The following INPP4B variants were observed in gnomAD, a reference collection of about 807,000 sequenced individuals.
The protein encoded by INPP4B is inositol polyphosphate 4-phosphatase type II.
In INPP4B, 55 loss-of-function variants were observed where a neutral mutation model predicts 122.5. The observed-to-expected ratio is 0.45, with a 90% CI of 0.36 to 0.56. The LOEUF (loss-of-function observed/expected upper bound fraction) is 0.56. Among genes scored for constraint, INPP4B ranks in the 20% least tolerant of loss-of-function variants. The pLI is 0.00. For missense variants in INPP4B, 1,000 were observed against 1,097.7 expected, an observed-to-expected ratio of 0.91 and a Z score of 1.26; for synonymous variants, 403 against 388.7, an observed-to-expected ratio of 1.04 and a Z score of -0.43.
At chr4:142,675,206 G>A (rs140628414) in intron 2 of INPP4B, among the ~76,000 whole-genome samples, 1 of 152,110 alleles carries the variant, frequency 6.6e-6, no homozygotes, top group East Asian at 1.9e-4. Flanking sequence ...CACCGTCAGA[G>A]AATACTATAA....
intron 16 of INPP4B, among the ~76,000 whole-genome samples, chr4:142,168,903 C>A (rs545615844): frequency 1.3e-5 from 2 of 151,522 alleles, no homozygotes; most frequent in Non-Finnish European, 3.0e-5. Context: ...TGTTTAGGTT[C>A]CTTTTTGCTA....
In INPP4B at chr4:142,173,613, G is replaced by C. The variant is rs1449155468; in HGVS notation, c.1359+19C>G. The C allele has an allele frequency of 6.2e-7, 1 of 1,601,958 alleles. No individual in the cohort carries two copies. The highest frequency in any genetic ancestry group is 1.7e-5 in the Admixed American group (1 of 59,164). The stretch of plus-strand genomic sequence containing the variant: ...TGAGTATTTCATTTTCCCAACTATA[G>C]TGATGATTTGGATCTTACTTTTTCT... On this transcript the variant is annotated intron_variant, in intron 16 of 25. Coordinates refer to ENST00000262992, the MANE Select transcript of INPP4B (RefSeq NM_001101669.3).
At chr4:142,813,647 A>T (rs186871213) in intron 1 of INPP4B, among the ~76,000 whole-genome samples, 7 of 152,328 alleles carry the variant, frequency 4.6e-5, no homozygotes, top group Admixed American at 1.3e-4. Flanking sequence ...CATGGCACAT[A>T]TTATAGATCT....
At chr4:142,691,445 T>C (rs933171135) in intron 2 of INPP4B, among the ~76,000 whole-genome samples, 1 of 152,040 alleles carries the variant, frequency 6.6e-6, no homozygotes, top group Non-Finnish European at 1.5e-5. Flanking sequence ...CCTCAGCTTG[T>C]ACCTTTAGAA....
chr4:142,252,803 C>T (rs1378903469), intron 11 of INPP4B, among the ~76,000 whole-genome samples: 1 of 152,196 alleles, frequency 6.6e-6, no homozygotes, highest in Admixed American at 6.5e-5. Flanking sequence ...GAGCTTCACA[C>T]TGTCTTCTAG....
intron 2 of INPP4B, among the ~76,000 whole-genome samples, chr4:142,520,765 A>G (rs1354058554): frequency 6.6e-6 from 1 of 151,994 alleles, no homozygotes; most frequent in Non-Finnish European, 1.5e-5. Context: ...CCCATATATT[A>G]TTAAAGTATA....
At chr4:142,500,945 A>G (rs1057465043) in intron 2 of INPP4B, among the ~76,000 whole-genome samples, 10 of 152,186 alleles carry the variant, frequency 6.6e-5, no homozygotes, top group African/African-American at 2.4e-4. Context: ...AGTTCTAGAG[A>G]TCTGCCATAC....
At position 142,204,602 on chromosome 4, in the gene INPP4B, G is replaced by A. The variant is rs545300598; in HGVS notation, c.1072+3823C>T. Among the ~76,000 whole-genome samples, 5 of 152,160 alleles carry A rather than the reference G, an allele frequency of 3.3e-5. No homozygotes were observed. The South Asian group carries it at 1.0e-3, about 32-fold the overall frequency. On this transcript the variant is annotated intron_variant, in intron 14 of 25. Transcript: ENST00000262992. ...TTTATTTGGAAATAAGTTCTTTACAGATATAATCCACTTGAAATAAAGCCA... is the reference window on the plus strand; with the variant it reads ...TTTATTTGGAAATAAGTTCTTTACAAATATAATCCACTTGAAATAAAGCCA...
intron 1 of INPP4B, among the ~76,000 whole-genome samples, chr4:142,737,041 G>A (rs1321090764): frequency 6.6e-6 from 1 of 152,102 alleles, no homozygotes; most frequent in Admixed American, 6.6e-5. Flanking sequence ...ACCGCCCAAG[G>A]TAATTTATAG....
intron 18 of INPP4B, among the ~76,000 whole-genome samples, chr4:142,129,904 A>G (rs1210701059): frequency 6.6e-6 from 1 of 152,144 alleles, no homozygotes; most frequent in African/African-American, 2.4e-5. Flanking sequence ...AGTGTCTTCT[A>G]TGTGAGGTGC....
At chr4:142,801,459 T>C (rs1379406244) in intron 1 of INPP4B, among the ~76,000 whole-genome samples, 1 of 152,158 alleles carries the variant, frequency 6.6e-6, no homozygotes, top group Non-Finnish European at 1.5e-5. Context: ...GGGTTGCACG[T>C]GCACAGAAGG....
chr4:142,024,664 C>T lies in INPP4B; in HGVS notation c.*4118G>A, dbSNP rs1736482778. On this transcript the variant is annotated 3_prime_UTR_variant, in exon 26 of 26. Transcript: ENST00000262992. ...CCAGAGTGTAATTTGTTTAATGTAA[C>T]AGTTTTGGTTTCAATTGAGCTATAT... 2 of 152,074 alleles carry T rather than the reference C, an allele frequency of 1.3e-5. No individual in the cohort carries two copies. Among genetic ancestry groups the T allele is most frequent in the Non-Finnish European group, 2.9e-5 (2 of 68,006 alleles). The allele number at this position is 152,074 out of a possible 1,614,324, so 9.4% of individuals were successfully genotyped here. A position where few individuals can be genotyped will look rare whatever the true frequency, so the allele number is the denominator to read the frequency against.
chr4:142,030,969 C>G (rs1739562980), intron 25 of INPP4B, among the ~76,000 whole-genome samples: 1 of 152,050 alleles, frequency 6.6e-6, no homozygotes, highest in African/African-American at 2.4e-5. Context: ...AAATCTATCT[C>G]CTATGGACAT....
At chr4:142,833,221 T>C (rs762391748) in intron 1 of INPP4B, among the ~76,000 whole-genome samples, 1 of 152,238 alleles carries the variant, frequency 6.6e-6, no homozygotes, top group South Asian at 2.1e-4. Context: ...AAAAAACTTA[T>C]GTTTTTGTCA....
At chr4:142,405,177 G>A (rs996249433) in intron 6 of INPP4B, 29 bp downstream of exon 6, 5 of 1,208,654 alleles carry the variant, frequency 4.1e-6, no homozygotes, top group Non-Finnish European at 4.9e-6. Context: ...GAGAGAGAGA[G>A]AGATTAATGT....
intron 1 of INPP4B, among the ~76,000 whole-genome samples, chr4:142,782,895 G>C (rs1189291891): frequency 7.2e-5 from 11 of 151,750 alleles, no homozygotes; most frequent in Non-Finnish European, 1.2e-4. Flanking sequence ...ACAAACCTGA[G>C]AAAAACAAGC....
intron 16 of INPP4B, among the ~76,000 whole-genome samples, chr4:142,163,731 C>T (rs774972689): frequency 1.3e-5 from 2 of 151,692 alleles, no homozygotes; most frequent in Non-Finnish European, 2.9e-5. Flanking sequence ...ATCCCCTGGG[C>T]GTCTTGGAAC....
chr4:142,770,407 T>A (rs1347482638), intron 1 of INPP4B, among the ~76,000 whole-genome samples: 2 of 152,180 alleles, frequency 1.3e-5, no homozygotes, highest in African/African-American at 2.4e-5. Context: ...TCTCAGCTTA[T>A]AGAGAAGATG....
chr4:142,249,492 C>T (rs1730859788), intron 11 of INPP4B, among the ~76,000 whole-genome samples: 1 of 151,856 alleles, frequency 6.6e-6, no homozygotes, highest in Non-Finnish European at 1.5e-5. Context: ...CTATAAATGC[C>T]AAATATTCCT....
Sources: gnomAD v4.1 joint callset for allele counts (sites outside exome capture counted in the v4.1 genomes callset) on GRCh38, gnomAD v4.1.1 for gene constraint, MANE v1.5 for transcripts, NCBI Gene and HGNC (gene_info 2026-07-23, HGNC 2026-07-21) for gene names.